Variants in LAMC3 observed in about 807,000 individuals in gnomAD.
LAMC3 encodes the protein laminin subunit gamma-3.
In LAMC3, 128 loss-of-function variants were observed where a neutral mutation model predicts 173.8. The ratio of observed to expected loss-of-function variants is 0.74; its 90% CI spans 0.64 to 0.85. The LOEUF (loss-of-function observed/expected upper bound fraction) is 0.85. Among genes scored for constraint, LAMC3 ranks in the 40% least tolerant of loss-of-function variants. LAMC3 has a pLI of 0.00. For missense variants in LAMC3, 2,022 were observed against 2,156.0 expected (o/e 0.94, Z 1.23); for synonymous variants, 897 against 909.1 (o/e 0.99, Z 0.24).
Position 131,029,348 on chromosome 9 carries a change from T to C in LAMC3, c.679-2697T>C, listed in dbSNP as rs183134914. 3.1e-4 allele frequency among the ~76,000 whole-genome samples: 47 copies of C among 152,280 alleles called. 1 individual carries two copies. The highest frequency in any genetic ancestry group is 3.1e-3 in the Admixed American group (47 of 15,300). ...CCACGGGGCTCCAAAGCTCTGTAGA[T>C]TAGAAAACGTCACCCGAGGTCAGAT... is the stretch of plus-strand genomic sequence containing the variant. On this transcript the variant is annotated intron_variant, in intron 2 of 27. Coordinates refer to ENST00000361069, the MANE Select transcript of LAMC3 (RefSeq NM_006059.4). This position sits in a 1 kb window ranked among gnomAD's most constrained non-coding sequence, Gnocchi z 4.6.
chr9:131,067,199 T>TG lies in LAMC3; in HGVS notation c.2588dup (p.Cys863TrpfsTer14). ...CCTGGCCCCTCGACCCGCAGACAAA[T>TG]GCATGCGTGAGTACCTACCTCCAGA... On this transcript the variant is annotated frameshift_variant, in exon 14 of 28. Coordinates refer to ENST00000361069, the MANE Select transcript of LAMC3 (RefSeq NM_006059.4). LOFTEE classifies it high-confidence loss of function. The TG allele has an allele frequency of 6.2e-7, 1 of 1,613,782 alleles. No homozygotes were observed. The highest frequency in any genetic ancestry group is 1.7e-4 in the Middle Eastern group (1 of 6,060).
rs1833709240 is a variant in LAMC3 at position 131,026,052 on chromosome 9, C to T, written c.374-233C>T. Among the ~76,000 whole-genome samples the T allele has an allele frequency of 1.3e-5, 2 of 152,108 alleles. No homozygotes were observed. The highest frequency in any genetic ancestry group is 4.1e-4 in the South Asian group (2 of 4,830). On this transcript the variant is annotated intron_variant, in intron 1 of 27. Transcript: ENST00000361069. The surrounding 1 kb of genome is among the most constrained non-coding windows in gnomAD (Gnocchi z 4.8). ...CAACGGAGATTCCTGTGCAGGGTGG[C>T]GAGTTGACCCAGAAGAGGGACAGCA...
At chr9:131,011,233 G>T (rs7048292) in intron 1 of LAMC3, among the ~76,000 whole-genome samples, 16,251 of 152,214 alleles carry the variant, frequency 0.11, 2,848 homozygotes, top group African/African-American at 0.37. Context: ...GCTGAAAAAT[G>T]TTCAATTCCC....
rs1830447180 is a variant in LAMC3, at chr9:131,092,778, A to C, written c.*991A>C. On this transcript the variant is annotated 3_prime_UTR_variant, in exon 28 of 28. Transcript: ENST00000361069. The stretch of plus-strand genomic sequence containing the variant: ...ACCACTTGCCATGCGGGAGGCCACC[A>C]GGGTGTGCAAGCCTGGCTGCCATTC... 1 of 152,314 alleles carries C rather than the reference A, an allele frequency of 6.6e-6. No individual in the cohort carries two copies. Among genetic ancestry groups the C allele is most frequent in the Non-Finnish European group, 1.5e-5 (1 of 68,144 alleles). 9.4% of individuals were successfully genotyped at this position (152,314 alleles called of 1,614,324 possible).
chr9:131,013,071 G>A (rs138138735), intron 1 of LAMC3, among the ~76,000 whole-genome samples: 122 of 152,334 alleles, frequency 8.0e-4, no homozygotes, highest in African/African-American at 2.7e-3. Flanking sequence ...AGACCATTCC[G>A]GGGCTCTCAC....
rs1423695773 is a variant in LAMC3, at chr9:131,073,302, G to T, written c.3475G>T (p.Ala1159Ser). 6.2e-7 allele frequency: 1 copy of T among 1,613,770 alleles called. No homozygotes were observed. The highest frequency in any genetic ancestry group is 1.7e-5 in the Admixed American group (1 of 60,008). ...PTKWSHLATE[A>S]RALARSHRDT... ...CAAATGGAGCCACCTGGCCACAGAG[G>T]CCCGTGCCCTCGCCAGGAGGTGAGT... The change falls in exon 20 of 28, where the codon GCC becomes TCC. Residue 1159 changes from alanine (A) to serine (S), a missense_variant. Ala to Ser is a moderately conservative substitution (Grantham distance 99, BLOSUM62 1). Transcript: ENST00000361069.
intron 27 of LAMC3, among the ~76,000 whole-genome samples, chr9:131,090,747 C>T (rs537408016): frequency 6.6e-6 from 1 of 152,304 alleles, no homozygotes; most frequent in South Asian, 2.1e-4. Flanking sequence ...AAAAATTAGG[C>T]AAGGCGTGGT....
At chr9:131,020,370 C>A (rs1833604323) in intron 1 of LAMC3, among the ~76,000 whole-genome samples, 1 of 152,208 alleles carries the variant, frequency 6.6e-6, no homozygotes. Context: ...GGCCATAATG[C>A]CAGATACCAC....
intron 12 of LAMC3, among the ~76,000 whole-genome samples, chr9:131,057,938 A>G (rs1829725267): frequency 6.6e-6 from 1 of 152,214 alleles, no homozygotes; most frequent in African/African-American, 2.4e-5. Flanking sequence ...TGACTCCTGC[A>G]GACATCCCTG....
intron 18 of LAMC3, among the ~76,000 whole-genome samples, chr9:131,072,162 A>G (rs1277803384): frequency 8.7e-6 from 1 of 114,900 alleles, no homozygotes; most frequent in African/African-American, 3.5e-5. Flanking sequence ...GAGGACCTGG[A>G]AATGGCGCTG....
chr9:131,087,606 T>G lies in LAMC3; in HGVS notation c.4361T>G (p.Leu1454Arg). ...GCGTCTGAAGCACGCAGACAGGAGC[T>G]GGAGGAAGCTGAGCGGGTACGTTTG... ...VLASEARRQE[L>R]EEAERVGAGL... Residue 1454 changes from leucine (L) to arginine (R), a missense_variant, in exon 26 of 28, where the codon CTG becomes CGG. Physicochemically the swap from Leu to Arg is moderately radical, Grantham distance 102. Transcript: ENST00000361069. 2.5e-6 allele frequency: 4 copies of G among 1,614,030 alleles called. No individual in the cohort carries two copies. The highest frequency in any genetic ancestry group is 3.4e-6 in the Non-Finnish European group (4 of 1,180,010).
At chr9:131,065,039 TA>T (rs754104539) in intron 13 of LAMC3, among the ~76,000 whole-genome samples, 1,829 of 27,418 alleles carry the variant, frequency 0.067, 38 homozygotes, top group African/African-American at 0.12. Flanking sequence ...AGACTCCATC[TA>T]AAAAAAAAAA....
intron 1 of LAMC3, among the ~76,000 whole-genome samples, chr9:131,021,720 CA>C (rs1424471595): frequency 6.6e-6 from 1 of 152,208 alleles, no homozygotes; most frequent in Non-Finnish European, 1.5e-5. Context: ...ACACCAGTCA[CA>C]AGTCTAGGCC....
At chr9:131,037,189 G>C (rs138828596) in intron 4 of LAMC3, among the ~76,000 whole-genome samples, 1 of 152,302 alleles carries the variant, frequency 6.6e-6, no homozygotes, top group Non-Finnish European at 1.5e-5. Context: ...GGCTTCCACT[G>C]TCCCAGCCTG....
chr9:131,061,312 G>T, intron 13 of LAMC3, 89 bp downstream of exon 13: 1 of 1,166,764 alleles, frequency 8.6e-7, no homozygotes, highest in Non-Finnish European at 1.2e-6. Flanking sequence ...TTAGGGCCCT[G>T]GGTTTAGGGT....
In LAMC3 at chr9:131,061,159, G is replaced by A. The variant is rs759913472; in HGVS notation, c.2283G>A (p.Ser761=). 36 of 1,612,646 alleles carry A rather than the reference G, an allele frequency of 2.2e-5. No homozygotes were observed. The highest frequency in any genetic ancestry group is 1.1e-4 in the East Asian group (5 of 44,898). ...DCQPCPCPGQ[S]ACTTIPESRE... The stretch of plus-strand genomic sequence containing the variant: ...AGCCCTGTCCCTGCCCTGGCCAGTC[G>A]GCCTGTACGACCATCCCAGAGAGCC... Residue 761 remains serine, a synonymous_variant, in exon 13 of 28, where the codon TCG becomes TCA. Coordinates refer to ENST00000361069, the MANE Select transcript of LAMC3 (RefSeq NM_006059.4).
At chr9:131,076,467 C>T (rs932488806) in intron 21 of LAMC3, among the ~76,000 whole-genome samples, 3 of 152,158 alleles carry the variant, frequency 2.0e-5, no homozygotes, top group African/African-American at 4.8e-5. Flanking sequence ...CATTCCTAAA[C>T]GAGAATGGGA....
chr9:131,017,318 A>C (rs1833540039), intron 1 of LAMC3, among the ~76,000 whole-genome samples: 1 of 152,188 alleles, frequency 6.6e-6, no homozygotes, highest in African/African-American at 2.4e-5. Context: ...AGTTCATGCA[A>C]ACGAGCGGCC....
At chr9:131,056,613 G>A (rs1200875858) in intron 11 of LAMC3, among the ~76,000 whole-genome samples, 1 of 152,018 alleles carries the variant, frequency 6.6e-6, no homozygotes, top group Non-Finnish European at 1.5e-5. Context: ...TGGGCAACAT[G>A]GAGAAACCCC....
Sources: gnomAD v4.1 joint callset for allele counts (sites outside exome capture counted in the v4.1 genomes callset) on GRCh38, gnomAD v4.1.1 for gene constraint, Gnocchi (gnomAD v3.1) non-coding constraint, MANE v1.5 for transcripts, NCBI Gene and HGNC (gene_info 2026-07-23, HGNC 2026-07-21) for gene names.